Variants in RNF4 observed in about 807,000 individuals in gnomAD.
The protein encoded by RNF4 is ring finger protein 4.
RNF4 carries 7 observed loss-of-function variants against 24.3 expected under a neutral mutation model. The observed-to-expected ratio is 0.29, with a 90% CI of 0.16 to 0.54. The LOEUF (loss-of-function observed/expected upper bound fraction) is 0.54, where lower values mean the gene tolerates loss of function less well. Among genes scored for constraint, RNF4 ranks in the 20% least tolerant of loss-of-function variants. The pLI, the probability that RNF4 is intolerant of heterozygous loss-of-function variation, is 0.95. For missense variants in RNF4, 209 were observed against 248.5 expected, an observed-to-expected ratio of 0.84 and a Z score of 1.07; for synonymous variants, 83 against 84.3, an observed-to-expected ratio of 0.98 and a Z score of 0.09.
chr4:2,513,494 C>T (rs1736326976), intron 7 of RNF4, among the ~76,000 whole-genome samples, 176 bp from the exon 8 acceptor site: 1 of 152,250 alleles, frequency 6.6e-6, no homozygotes, highest in South Asian at 2.1e-4. Context: ...TCCTGCTCTC[C>T]AGCTGAGAGA....
intron 4 of RNF4, 125 bp downstream of exon 4, chr4:2,500,863 A>G: frequency 2.6e-6 from 2 of 783,030 alleles, no homozygotes; most frequent in Non-Finnish European, 2.1e-6. Context: ...AAGTTCATGC[A>G]TCTTGTGGAA....
At chr4:2,508,674 A>AC (rs1353774632) in intron 4 of RNF4, among the ~76,000 whole-genome samples, 1 of 151,970 alleles carries the variant, frequency 6.6e-6, no homozygotes, top group African/African-American at 2.4e-5. Context: ...GCAGTGGTGC[A>AC]ATCTCGGCTC....
intron 4 of RNF4, among the ~76,000 whole-genome samples, chr4:2,509,334 C>CCCAGTAGG (rs1736199716): frequency 6.6e-6 from 1 of 152,086 alleles, no homozygotes; most frequent in East Asian, 1.9e-4. Flanking sequence ...TCTCCTGCTT[C>CCCAGTAGG]AGCCTCCCAA....
chr4:2,511,949 T>G lies in RNF4; in HGVS notation c.205-7T>G, dbSNP rs765597802. ...TTCTCTTTTGTTTTTCTCCTTCTGT[T>G]TACAAGATTGTTGACGGTGAGTGGT... On this transcript the variant is annotated splice_region_variant and splice_polypyrimidine_tract_variant and intron_variant, in intron 4 of 7. Coordinates refer to ENST00000314289, the MANE Select transcript of RNF4 (RefSeq NM_002938.5). 56 of 1,605,412 alleles carry G rather than the reference T, an allele frequency of 3.5e-5. No individual in the cohort carries two copies. Among genetic ancestry groups the G allele is most frequent in the Non-Finnish European group, 4.7e-5 (55 of 1,175,820 alleles).
chr4:2,497,299 G>C (rs1237195055), intron 3 of RNF4, 178 bp downstream of exon 3: 1 of 508,288 alleles, frequency 2.0e-6, no homozygotes, highest in African/African-American at 1.9e-5. Context: ...TGGGCTAACT[G>C]TTCAACTCTG....
intron 1 of RNF4, among the ~76,000 whole-genome samples, chr4:2,489,496 A>G (rs1168337715): frequency 6.6e-6 from 1 of 152,120 alleles, no homozygotes; most frequent in African/African-American, 2.4e-5. Flanking sequence ...GCACCTGGGA[A>G]CTTGTTAGAT....
chr4:2,496,291 A>G (rs1274430827), intron 2 of RNF4, among the ~76,000 whole-genome samples: 1 of 152,198 alleles, frequency 6.6e-6, no homozygotes, highest in African/African-American at 2.4e-5. Flanking sequence ...TCTTTATGCT[A>G]AGAAACAAAA....
intron 1 of RNF4, among the ~76,000 whole-genome samples, chr4:2,474,975 C>A (rs1335984879): frequency 6.6e-6 from 1 of 152,066 alleles, no homozygotes; most frequent in Non-Finnish European, 1.5e-5. Flanking sequence ...TGCGGTGAGC[C>A]AAGATTGCGC....
At chr4:2,505,794 C>T (rs1736083783) in intron 4 of RNF4, 2 of 117,066 alleles carry the variant, frequency 1.7e-5, no homozygotes, top group South Asian at 3.0e-4. Flanking sequence ...AATGCAGTAG[C>T]GTGATCTCAG....
At position 2,514,625 on chromosome 4, in the gene RNF4, T is replaced by A. The variant is rs1302728472; in HGVS notation, c.*806T>A. ...CCTGGCACAGGACATGCAAGATAAA[T>A]AGGGCAGGCACGTGTTTGGGTGTCC... is the stretch of plus-strand genomic sequence containing the variant. On this transcript the variant is annotated 3_prime_UTR_variant, in exon 8 of 8. Transcript: ENST00000314289. The A allele has an allele frequency of 1.3e-5, 2 of 152,634 alleles. No homozygotes were observed. The highest frequency in any genetic ancestry group is 4.8e-5 in the African/African-American group (2 of 41,430). 9.5% of individuals were successfully genotyped at this position (152,634 alleles called of 1,614,324 possible). A position where few individuals can be genotyped will look rare whatever the true frequency, so the allele number is the denominator to read the frequency against.
chr4:2,471,854 G>A (rs1002051965), intron 1 of RNF4, among the ~76,000 whole-genome samples: 1 of 152,186 alleles, frequency 6.6e-6, no homozygotes, highest in Non-Finnish European at 1.5e-5. Flanking sequence ...AACTGGCAGA[G>A]GTTAGTTCAT....
At chr4:2,478,315 T>G (rs1189417535) in intron 1 of RNF4, among the ~76,000 whole-genome samples, 1 of 152,208 alleles carries the variant, frequency 6.6e-6, no homozygotes, top group African/African-American at 2.4e-5. Flanking sequence ...AAATTCCATT[T>G]TCTGAGGGGA....
intron 3 of RNF4, among the ~76,000 whole-genome samples, chr4:2,498,939 A>G (rs868815103): frequency 1.3e-5 from 2 of 152,194 alleles, no homozygotes; most frequent in African/African-American, 4.8e-5. Flanking sequence ...GCTGGCTCCT[A>G]TAATCCCAGC....
At chr4:2,508,016 G>C (rs139618494) in intron 4 of RNF4, among the ~76,000 whole-genome samples, 1 of 152,082 alleles carries the variant, frequency 6.6e-6, no homozygotes, top group African/African-American at 2.4e-5. Context: ...GCCATGCCCA[G>C]CTTATTCTTT....
At chr4:2,497,340 TA>T (rs1310963680) in intron 3 of RNF4, 206 of 350,966 alleles carry the variant, frequency 5.9e-4, no homozygotes, top group Middle Eastern at 1.5e-3. Flanking sequence ...AGGATCCATT[TA>T]AAAAAAAATC....
chr4:2,485,874 C>T (rs955620690), intron 1 of RNF4, among the ~76,000 whole-genome samples: 1 of 152,152 alleles, frequency 6.6e-6, no homozygotes, highest in Admixed American at 6.5e-5. Context: ...TGGTGGGGCC[C>T]TTTCTTGAAA....
At position 2,500,463 on chromosome 4, in the gene RNF4, G is replaced by A. The variant is rs764132533; in HGVS notation, c.125-196G>A. On this transcript the variant is annotated intron_variant, in intron 3 of 7. Transcript: ENST00000314289. Reference sequence around the variant, plus strand: ...TAAAAACCATACCTCCCCACTCAGAGCAGAATTCTGGAAGGGTGGTTACTG... The same window carrying A: ...TAAAAACCATACCTCCCCACTCAGAACAGAATTCTGGAAGGGTGGTTACTG... Among the ~76,000 whole-genome samples, 78 of 152,226 alleles carry A rather than the reference G, an allele frequency of 5.1e-4. 1 individual carries two copies. Among genetic ancestry groups the A allele is most frequent in the Non-Finnish European group, 1.6e-4 (11 of 68,040 alleles).
chr4:2,506,999 A>G (rs1466874113), intron 4 of RNF4, among the ~76,000 whole-genome samples: 2 of 152,188 alleles, frequency 1.3e-5, no homozygotes, highest in African/African-American at 4.8e-5. Context: ...GTTATTGAAA[A>G]TGTTACTTAG....
At chr4:2,471,205 G>A (rs1056592801) in intron 1 of RNF4, 6 of 152,182 alleles carry the variant, frequency 3.9e-5, no homozygotes, top group African/African-American at 9.7e-5. Context: ...GACCTCAAGT[G>A]ATCCGCCTGC....
Sources: gnomAD v4.1 joint callset for allele counts (sites outside exome capture counted in the v4.1 genomes callset) on GRCh38, gnomAD v4.1.1 for gene constraint, MANE v1.5 for transcripts, NCBI Gene and HGNC (gene_info 2026-07-23, HGNC 2026-07-21) for gene names.